The following PDGFB variants were observed in gnomAD, a reference collection of about 807,000 sequenced individuals.
PDGFB encodes platelet-derived growth factor subunit B.
PDGFB carries 6 observed loss-of-function variants against 29.0 expected under a neutral mutation model. The observed-to-expected ratio is 0.21, with a 90% CI of 0.11 to 0.41. PDGFB has a LOEUF of 0.41. Among genes scored for constraint, PDGFB ranks in the 10% least tolerant of loss-of-function variants. The pLI is 1.00. For missense variants in PDGFB, 299 were observed against 341.8 expected, an observed-to-expected ratio of 0.87 and a Z score of 0.99; for synonymous variants, 144 against 140.8, an observed-to-expected ratio of 1.02 and a Z score of -0.16.
Position 39,233,531 on chromosome 22 carries a change from G to A in PDGFB, c.161-7C>T, listed in dbSNP as rs756091136. 2 of 1,579,340 alleles carry A rather than the reference G, an allele frequency of 1.3e-6. No individual in the cohort carries two copies. The highest frequency in any genetic ancestry group is 1.2e-5 in the South Asian group (1 of 85,848). On this transcript the variant is annotated splice_polypyrimidine_tract_variant and splice_region_variant and intron_variant, in intron 2 of 6. Coordinates refer to ENST00000331163, the MANE Select transcript of PDGFB (RefSeq NM_002608.4). ...AACTCGGCCCCATCTTCCTCTGCAG[G>A]AGAAGTCACAGTCAGACACCAGGCG...
rs1178832540 is a variant in PDGFB, at chr22:39,242,005, C to T, written c.63+1896G>A. Among the ~76,000 whole-genome samples, 1 of 152,186 alleles carries T rather than the reference C, an allele frequency of 6.6e-6. No individual in the cohort carries two copies. Among genetic ancestry groups the T allele is most frequent in the Non-Finnish European group, 1.5e-5 (1 of 68,030 alleles). On this transcript the variant is annotated intron_variant, in intron 1 of 6. Transcript: ENST00000331163. This position sits in a 1 kb window ranked among gnomAD's most constrained non-coding sequence, Gnocchi z 5.7. The stretch of plus-strand genomic sequence containing the variant: ...GGGCCGCTACAGAGGTGGTGAGGTG[C>T]CAGGGCCCACGGAGGGCCCACCTGT...
intron 1 of PDGFB, chr22:39,240,937 A>T (rs1226106574): frequency 1.5e-6 from 2 of 1,351,712 alleles, no homozygotes; most frequent in Non-Finnish European, 2.1e-6. Context: ...ACACACACAC[A>T]CACACTCTCT....
chr22:39,240,939 ACACTCTCTCT>A (rs1344044204), intron 1 of PDGFB: 11 of 1,102,996 alleles, frequency 1.0e-5, no homozygotes, highest in African/African-American at 1.5e-5. Context: ...ACACACACAC[ACACTCTCTCT>A]CTCTCTCTCT....
At chr22:39,233,871 A>G (rs1255147622) in intron 2 of PDGFB, among the ~76,000 whole-genome samples, 1 of 152,154 alleles carries the variant, frequency 6.6e-6, no homozygotes, top group Non-Finnish European at 1.5e-5. Context: ...ACTGAAGGCC[A>G]GTTTCCAGTG....
rs1038345639 is a variant in PDGFB at position 39,242,125 on chromosome 22, G to A, written c.63+1776C>T. ...GCGCGCACGTGTGCTCAGGCCGCGC[G>A]TGCAGGGGCCGTGCGTGCGTTTGTG... On this transcript the variant is annotated intron_variant, in intron 1 of 6. Coordinates refer to ENST00000331163, the MANE Select transcript of PDGFB (RefSeq NM_002608.4). The surrounding 1 kb of genome is among the most constrained non-coding windows in gnomAD (Gnocchi z 5.7). 25 of 225,954 alleles carry A rather than the reference G, an allele frequency of 1.1e-4. No individual in the cohort carries two copies. The highest frequency in any genetic ancestry group is 1.8e-4 in the Non-Finnish European group (20 of 113,342). 14.0% of individuals were successfully genotyped at this position (225,954 alleles called of 1,614,324 possible).
chr22:39,241,052 C>G (rs1718733905), intron 1 of PDGFB: 11 of 688,696 alleles, frequency 1.6e-5, no homozygotes, highest in Non-Finnish European at 2.8e-5. Flanking sequence ...TCTCCTGCCC[C>G]CTAGGGCCAT....
intron 1 of PDGFB, among the ~76,000 whole-genome samples, chr22:39,239,393 C>T (rs888012439): frequency 2.3e-4 from 32 of 141,678 alleles, no homozygotes; most frequent in African/African-American, 8.1e-4. Flanking sequence ...AAGGCCCTTC[C>T]GGGGCTGGGG....
At chr22:39,226,233 C>T (rs1310758869) in intron 5 of PDGFB, among the ~76,000 whole-genome samples, 1 of 152,188 alleles carries the variant, frequency 6.6e-6, no homozygotes, top group African/African-American at 2.4e-5. Context: ...TTTCCCTGCC[C>T]CTTGAATCTG....
intron 1 of PDGFB, among the ~76,000 whole-genome samples, chr22:39,237,185 C>T (rs1932465948): frequency 6.6e-6 from 1 of 151,706 alleles, no homozygotes; most frequent in South Asian, 2.1e-4. Context: ...GGGGCTCTCC[C>T]CGAAAGCTCT....
chr22:39,235,077 G>C (rs977949897), intron 2 of PDGFB, among the ~76,000 whole-genome samples: 1 of 152,194 alleles, frequency 6.6e-6, no homozygotes, highest in Non-Finnish European at 1.5e-5. Flanking sequence ...GGGGCCCAAC[G>C]GGGAGAGGAA....
chr22:39,242,998 C>G lies in PDGFB; in HGVS notation c.63+903G>C, dbSNP rs920432392. The G allele has an allele frequency of 4.3e-6, 1 of 233,020 alleles. No homozygotes were observed. Among genetic ancestry groups the G allele is most frequent in the Non-Finnish European group, 8.5e-6 (1 of 117,958 alleles). The allele number at this position is 233,020 out of a possible 1,614,324, so 14.4% of individuals were successfully genotyped here. On this transcript the variant is annotated intron_variant, in intron 1 of 6. Transcript: ENST00000331163. The surrounding 1 kb of genome is among the most constrained non-coding windows in gnomAD (Gnocchi z 5.7). ...GGGGTGGGGACGGCTCCGACCCCAG[C>G]GCTCCCTCAGATGTTTTTATACCCC...
chr22:39,231,343 C>T lies in PDGFB; in HGVS notation c.456+279G>A, dbSNP rs554749128. Among the ~76,000 whole-genome samples the T allele has an allele frequency of 5.3e-5, 8 of 152,346 alleles. No individual in the cohort carries two copies. The highest frequency in any genetic ancestry group is 3.4e-3 in the Middle Eastern group (1 of 294). ...TAAAGGAGGTGACATCCCTACTTCA[C>T]GTTGGCTCCACACCTCGCCCAGCCC... On this transcript the variant is annotated intron_variant, in intron 4 of 6. Transcript: ENST00000331163. The surrounding 1 kb of genome is among the most constrained non-coding windows in gnomAD (Gnocchi z 4.3).
intron 2 of PDGFB, among the ~76,000 whole-genome samples, chr22:39,234,974 G>A (rs967295826): frequency 2.6e-5 from 4 of 152,208 alleles, no homozygotes; most frequent in Non-Finnish European, 4.4e-5. Flanking sequence ...CGAACAATAG[G>A]TGGGCCCAGC....
chr22:39,237,179 C>T (rs142083280), intron 1 of PDGFB, among the ~76,000 whole-genome samples: 71 of 151,980 alleles, frequency 4.7e-4, no homozygotes, highest in African/African-American at 1.7e-3. Context: ...CCTCAGGGGG[C>T]TCTCCCCGAA....
At chr22:39,232,141 A>G (rs1932324532) in intron 3 of PDGFB, among the ~76,000 whole-genome samples, 1 of 152,280 alleles carries the variant, frequency 6.6e-6, no homozygotes. Flanking sequence ...CTCTGCTGGC[A>G]CATGACTATT....
Position 39,244,143 on chromosome 22 carries a change from C to G in PDGFB, c.-180G>C. The G allele has an allele frequency of 3.3e-6, 1 of 306,574 alleles. No individual in the cohort carries two copies. The highest frequency in any genetic ancestry group is 5.1e-5 in the Admixed American group (1 of 19,500). 19.0% of individuals were successfully genotyped at this position (306,574 alleles called of 1,614,324 possible). On this transcript the variant is annotated 5_prime_UTR_variant, in exon 1 of 7. Transcript: ENST00000331163. This position sits in a 1 kb window ranked among gnomAD's most constrained non-coding sequence, Gnocchi z 4.5. Reference sequence around the variant, plus strand: ...GCCCCCGGGCGCCGCCGCCCCCGGCCCCGGCTCCGTCGCTGGGGGGCAGGG... The same window carrying G: ...GCCCCCGGGCGCCGCCGCCCCCGGCGCCGGCTCCGTCGCTGGGGGGCAGGG...
rs142967098 is a variant in PDGFB at position 39,225,813 on chromosome 22, C to A, written c.636G>T (p.Thr212=). The A allele has an allele frequency of 4.3e-6, 7 of 1,613,896 alleles. No homozygotes were observed. Among genetic ancestry groups the A allele is most frequent in the African/African-American group, 1.3e-5 (1 of 74,916 alleles). Residue 212 remains threonine, a synonymous_variant, in exon 6 of 7, where the codon ACG becomes ACT. Transcript: ENST00000331163. ...CCTTGGGGGGCCGGCGGACTCGCACCGTCCGAATGGTCACCCGAGTTTGGG... is the reference window on the plus strand; with the variant it reads ...CCTTGGGGGGCCGGCGGACTCGCACAGTCCGAATGGTCACCCGAGTTTGGG... ...KTPQTRVTIR[T]VRVRRPPKGK...
intron 3 of PDGFB, among the ~76,000 whole-genome samples, chr22:39,232,601 T>G (rs1164747708): frequency 6.6e-6 from 1 of 152,186 alleles, no homozygotes; most frequent in Non-Finnish European, 1.5e-5. Flanking sequence ...GCAATTCTCC[T>G]GCCTCAGCCT....
chr22:39,235,685 C>G (rs1215841117), intron 2 of PDGFB, 93 bp downstream of exon 2: 21 of 875,058 alleles, frequency 2.4e-5, no homozygotes, highest in Non-Finnish European at 3.7e-5. Flanking sequence ...GTTCTCCAGA[C>G]GTCAAGAAGG....
Sources: gnomAD v4.1 joint callset for allele counts (sites outside exome capture counted in the v4.1 genomes callset) on GRCh38, gnomAD v4.1.1 for gene constraint, Gnocchi (gnomAD v3.1) non-coding constraint, MANE v1.5 for transcripts, NCBI Gene and HGNC (gene_info 2026-07-23, HGNC 2026-07-21) for gene names.